PCNX1: variants seen among roughly 807,000 people sequenced by gnomAD.
PCNX1 encodes the protein pecanex 1.
In PCNX1, 78 loss-of-function variants were observed where a neutral mutation model predicts 242.2. The observed-to-expected ratio is 0.32, with a 90% CI of 0.27 to 0.39. PCNX1 has a LOEUF of 0.39. PCNX1 is among the 10% of genes least tolerant of loss of function. PCNX1 has a pLI of 1.00. For synonymous variants in PCNX1, 1,024 were observed against 1,032.9 expected (o/e 0.99, Z 0.17); for missense variants, 2,581 against 2,856.5 (o/e 0.90, Z 2.20).
At chr14:71,105,553 A>AT (rs59011941) in intron 33 of PCNX1, 113 bp downstream of exon 33, 75,316 of 603,330 alleles carry the variant, frequency 0.12, 62 homozygotes, top group Middle Eastern at 0.16. Context: ...CAGAAATAGA[A>AT]TTTTTTTTTT....
At chr14:71,051,792 T>A in intron 23 of PCNX1, 91 bp from the exon 24 acceptor site, 1 of 1,212,388 alleles carries the variant, frequency 8.2e-7, no homozygotes, top group Non-Finnish European at 1.2e-6. Flanking sequence ...CTAATTGAGG[T>A]AATCTAAATG....
intron 19 of PCNX1, among the ~76,000 whole-genome samples, chr14:71,042,786 C>G (rs913090169): frequency 2.6e-5 from 4 of 152,088 alleles, no homozygotes. Flanking sequence ...GAATGTTTTA[C>G]ATATCCTTTG....
At chr14:70,981,757 T>C (rs895837460) in intron 6 of PCNX1, among the ~76,000 whole-genome samples, 6 of 152,250 alleles carry the variant, frequency 3.9e-5, no homozygotes, top group Non-Finnish European at 8.8e-5. Context: ...TCCTGTGTTT[T>C]CTAGCCTGTA....
At chr14:71,072,648 T>C (rs757762864) in intron 26 of PCNX1, among the ~76,000 whole-genome samples, 1 of 152,202 alleles carries the variant, frequency 6.6e-6, no homozygotes, top group African/African-American at 2.4e-5. Context: ...AGAAAAAAAA[T>C]TATTGTGCAG....
chr14:70,932,332 A>G (rs1352070188), intron 1 of PCNX1, among the ~76,000 whole-genome samples: 1 of 152,164 alleles, frequency 6.6e-6, no homozygotes, highest in East Asian at 1.9e-4. Context: ...CATCTAGTAC[A>G]AGGAGATGTG....
chr14:70,935,390 A>C (rs950206185), intron 1 of PCNX1, among the ~76,000 whole-genome samples: 4 of 152,074 alleles, frequency 2.6e-5, no homozygotes, highest in African/African-American at 9.7e-5. Context: ...CTACTTTTAA[A>C]AGGAAGTTCT....
chr14:70,986,589 T>A (rs550945589), intron 6 of PCNX1, among the ~76,000 whole-genome samples: 1 of 152,200 alleles, frequency 6.6e-6, no homozygotes, highest in Non-Finnish European at 1.5e-5. Context: ...AGGAAGATAG[T>A]AAAGAAAACC....
At chr14:71,029,792 A>C (rs1362760387) in intron 16 of PCNX1, among the ~76,000 whole-genome samples, 1 of 152,236 alleles carries the variant, frequency 6.6e-6, no homozygotes, top group East Asian at 1.9e-4. Flanking sequence ...AGGTTTGGGT[A>C]CATGAGGAAA....
rs1443791675 is a variant in PCNX1 at position 70,950,668 on chromosome 14, CATTGTTTAAT to C, written c.362+3558_362+3567del. The stretch of plus-strand genomic sequence containing the variant: ...AGTATTTTGAAAAACTGTGATATCT[CATTGTTTAAT>C]ATTGTTTAATATGTAAATAAATTAT... On this transcript the variant is annotated intron_variant, in intron 2 of 35. Transcript: ENST00000304743. 2.0e-5 allele frequency among the ~76,000 whole-genome samples: 3 copies of C among 152,038 alleles called. No individual in the cohort carries two copies. In the South Asian group the frequency reaches 6.2e-4, roughly 32 times the overall value.
intron 4 of PCNX1, among the ~76,000 whole-genome samples, chr14:70,968,453 C>T (rs1235044118): frequency 1.3e-5 from 2 of 152,196 alleles, no homozygotes; most frequent in Non-Finnish European, 2.9e-5. Context: ...TGACCACTTA[C>T]ATTACATTGC....
intron 1 of PCNX1, among the ~76,000 whole-genome samples, chr14:70,941,282 A>G (rs892561869): frequency 2.0e-5 from 3 of 152,064 alleles, no homozygotes; most frequent in Non-Finnish European, 4.4e-5. Flanking sequence ...TTGGTCTTTG[A>G]TGATGGTGAC....
chr14:71,052,330 C>T (rs2061060723), intron 24 of PCNX1, among the ~76,000 whole-genome samples: 3 of 151,948 alleles, frequency 2.0e-5, no homozygotes, highest in Admixed American at 6.6e-5. Flanking sequence ...CCTCCTGCCT[C>T]AGCCTCCTGA....
In PCNX1 at chr14:71,113,379, C is replaced by T. The variant is rs1302832227; in HGVS notation, c.*3444C>T. 6.6e-6 allele frequency: 1 copy of T among 152,560 alleles called. No homozygotes were observed. Among genetic ancestry groups the T allele is most frequent in the Non-Finnish European group, 1.5e-5 (1 of 68,028 alleles). The allele number at this position is 152,560 out of a possible 1,614,324, so 9.5% of individuals were successfully genotyped here. On this transcript the variant is annotated 3_prime_UTR_variant, in exon 36 of 36. Transcript: ENST00000304743. ...ATTACTCTGTATACTAAATGTCAGG[C>T]AATGAAAATGTAAGTTTTTGTGTAG...
At chr14:70,918,124 TC>T (rs2056224049) in intron 1 of PCNX1, among the ~76,000 whole-genome samples, 1 of 152,240 alleles carries the variant, frequency 6.6e-6, no homozygotes, top group Non-Finnish European at 1.5e-5. Context: ...GGTTTGATCT[TC>T]TATTCAGACC....
rs1191691040 is a variant in PCNX1 at position 71,047,873 on chromosome 14, A to G, written c.4227A>G (p.Thr1409=). ...KLLRSSFSSP[T]YQYVTVIFTV... ...TACGATCCTCTTTTAGCAGCCCTACATATCAGTATGTTACAGTCATCTTTA... is the reference window on the plus strand; with the variant it reads ...TACGATCCTCTTTTAGCAGCCCTACGTATCAGTATGTTACAGTCATCTTTA... The change falls in exon 22 of 36, where the codon ACA becomes ACG. Residue 1409 remains threonine (T), a synonymous_variant. Coordinates refer to ENST00000304743, the MANE Select transcript of PCNX1 (RefSeq NM_014982.3). 3.7e-6 allele frequency: 6 copies of G among 1,613,170 alleles called. 1 individual carries two copies. Among genetic ancestry groups the G allele is most frequent in the South Asian group, 2.2e-5 (2 of 91,056 alleles).
intron 5 of PCNX1, among the ~76,000 whole-genome samples, chr14:70,970,841 G>A (rs1324263658): frequency 6.6e-6 from 1 of 152,176 alleles, no homozygotes; most frequent in Admixed American, 6.5e-5. Flanking sequence ...AAACAAGTTT[G>A]AGGGCTGGAT....
chr14:71,096,924 G>C (rs898196924), intron 30 of PCNX1, among the ~76,000 whole-genome samples: 1 of 152,120 alleles, frequency 6.6e-6, no homozygotes, highest in Non-Finnish European at 1.5e-5. Context: ...GGAGTTAGCA[G>C]TATCTCCAAA....
In PCNX1 at chr14:71,055,611, A is replaced by T. The variant is rs1013512936; in HGVS notation, c.4636+49A>T. 9 of 1,124,518 alleles carry T rather than the reference A, an allele frequency of 8.0e-6. No homozygotes were observed. In the African/African-American group the frequency reaches 9.2e-5, roughly 12 times the overall value. 69.7% of individuals were successfully genotyped at this position (1,124,518 alleles called of 1,614,324 possible). On this transcript the variant is annotated intron_variant, in intron 25 of 35. Coordinates refer to ENST00000304743, the MANE Select transcript of PCNX1 (RefSeq NM_014982.3). ...GGAGGCAAGACTAAGGATTTGTTTTATATATATATGTTTATATTCACTCCT... is the reference window on the plus strand; with the variant it reads ...GGAGGCAAGACTAAGGATTTGTTTTTTATATATATGTTTATATTCACTCCT...
intron 1 of PCNX1, among the ~76,000 whole-genome samples, chr14:70,913,171 T>C (rs2056000385): frequency 6.6e-6 from 1 of 152,250 alleles, no homozygotes; most frequent in South Asian, 2.1e-4. Flanking sequence ...TCAGTGTTTA[T>C]CAAGTGTCTG....
Sources: gnomAD v4.1 joint callset for allele counts (sites outside exome capture counted in the v4.1 genomes callset) on GRCh38, gnomAD v4.1.1 for gene constraint, MANE v1.5 for transcripts, NCBI Gene and HGNC (gene_info 2026-07-23, HGNC 2026-07-21) for gene names.